POU6F2: variants seen among roughly 807,000 people sequenced by gnomAD.
POU6F2 encodes the protein POU class 6 homeobox 2.
Under a neutral mutation model 71.3 loss-of-function variants are expected in POU6F2, and 31 were observed. The ratio of observed to expected loss-of-function variants is 0.43; its 90% CI spans 0.33 to 0.59. POU6F2 has a LOEUF of 0.59. Ranked by LOEUF, POU6F2 falls within the 20% of genes least tolerant of loss-of-function variation. The pLI, the probability that POU6F2 is intolerant of heterozygous loss-of-function variation, is 0.04. For synonymous variants in POU6F2, 347 were observed against 355.7 expected, an observed-to-expected ratio of 0.98 and a Z score of 0.27; for missense variants, 783 against 856.8, an observed-to-expected ratio of 0.91 and a Z score of 1.07.
intron 4 of POU6F2, among the ~76,000 whole-genome samples, chr7:39,281,599 A>G (rs1784564001): frequency 6.6e-6 from 1 of 152,204 alleles, no homozygotes; most frequent in South Asian, 2.1e-4. Context: ...AATGTCTTCC[A>G]GATTCATCCA....
intron 3 of POU6F2, among the ~76,000 whole-genome samples, chr7:39,206,893 A>G (rs950785166): frequency 6.6e-6 from 1 of 152,242 alleles, no homozygotes; most frequent in Non-Finnish European, 1.5e-5. Context: ...ATGCTAGTGT[A>G]CATGTCCCCC....
At chr7:39,363,012 A>C (rs1432498847) in intron 5 of POU6F2, among the ~76,000 whole-genome samples, 1 of 152,198 alleles carries the variant, frequency 6.6e-6, no homozygotes, top group East Asian at 1.9e-4. Context: ...GGCCACTGTA[A>C]GAACTGTAGC....
intron 4 of POU6F2, among the ~76,000 whole-genome samples, chr7:39,213,959 G>A (rs1794192671): frequency 6.6e-6 from 1 of 152,070 alleles, no homozygotes; most frequent in Non-Finnish European, 1.5e-5. Context: ...ACCTTTCTTC[G>A]GGGAGTTTCT....
rs1470236577 is a variant in POU6F2 at position 39,092,841 on chromosome 7, A to C, written c.277+6810A>C. 2.6e-5 allele frequency among the ~76,000 whole-genome samples: 4 copies of C among 152,212 alleles called. No homozygotes were observed. The East Asian group carries it at 7.7e-4, about 29-fold the overall frequency. ...TAGTGTGAATGCAGAGGTCAGAAAG[A>C]ATAACATTAGATCTCTTGAGGCTAA... On this transcript the variant is annotated intron_variant, in intron 2 of 9. Coordinates refer to ENST00000518318, the MANE Select transcript of POU6F2 (RefSeq NM_001370959.1).
At chr7:39,320,089 C>T (rs1045514005) in intron 4 of POU6F2, among the ~76,000 whole-genome samples, 1 of 152,170 alleles carries the variant, frequency 6.6e-6, no homozygotes, top group Non-Finnish European at 1.5e-5. Flanking sequence ...CTTTAGCTCA[C>T]TCAGAATGAA....
At chr7:39,311,780 T>C (rs760800334) in intron 4 of POU6F2, among the ~76,000 whole-genome samples, 9 of 152,190 alleles carry the variant, frequency 5.9e-5, no homozygotes, top group Non-Finnish European at 1.0e-4. Context: ...GGACAAAGTA[T>C]GCAAAGGGCA....
At chr7:39,393,272 C>T (rs976133609) in intron 5 of POU6F2, among the ~76,000 whole-genome samples, 1 of 152,170 alleles carries the variant, frequency 6.6e-6, no homozygotes, top group African/African-American at 2.4e-5. Context: ...CACTTCTACA[C>T]AGTCGTATTT....
intron 2 of POU6F2, among the ~76,000 whole-genome samples, chr7:39,130,045 C>T (rs527876817): frequency 1.0e-3 from 131 of 126,012 alleles, no homozygotes; most frequent in Middle Eastern, 0.013. Context: ...CTAGCCTGGG[C>T]GACAGAGCGA....
At chr7:39,394,682 AT>A (rs1371024577) in intron 5 of POU6F2, among the ~76,000 whole-genome samples, 7 of 152,070 alleles carry the variant, frequency 4.6e-5, no homozygotes, top group Non-Finnish European at 1.0e-4. Context: ...TCTTTTTTCT[AT>A]TCCAACTGTG....
intron 2 of POU6F2, among the ~76,000 whole-genome samples, chr7:39,179,006 T>C (rs1211053639): frequency 6.6e-6 from 1 of 152,164 alleles, no homozygotes; most frequent in Non-Finnish European, 1.5e-5. Context: ...TAATCAGCTA[T>C]AGGTTCTGCT....
At chr7:39,052,985 T>G (rs1306994036) in intron 1 of POU6F2, among the ~76,000 whole-genome samples, 2 of 152,112 alleles carry the variant, frequency 1.3e-5, no homozygotes, top group African/African-American at 2.4e-5. Flanking sequence ...CAGCATCACT[T>G]GGGAACTTAC....
chr7:39,303,702 C>A (rs1418339406), intron 4 of POU6F2, among the ~76,000 whole-genome samples: 4 of 152,156 alleles, frequency 2.6e-5, no homozygotes, highest in African/African-American at 9.7e-5. Flanking sequence ...ATGATACACA[C>A]AGCACACCTA....
rs114624821 is a variant in POU6F2, at chr7:39,126,255, A to T, written c.277+40224A>T. Among the ~76,000 whole-genome samples, 454 of 152,308 alleles carry T rather than the reference A, an allele frequency of 3.0e-3. 1 individual carries two copies. Among genetic ancestry groups the T allele is most frequent in the African/African-American group, 0.01 (430 of 41,570 alleles). The stretch of plus-strand genomic sequence containing the variant: ...CATGCTTATAAATCATCTCATATCC[A>T]GGGGGATAGGGAAAGGAAAAGGAAA... On this transcript the variant is annotated intron_variant, in intron 2 of 9. Coordinates refer to ENST00000518318, the MANE Select transcript of POU6F2 (RefSeq NM_001370959.1).
intron 1 of POU6F2, among the ~76,000 whole-genome samples, chr7:39,033,018 T>C (rs933833550): frequency 4.6e-5 from 7 of 152,124 alleles, no homozygotes; most frequent in Non-Finnish European, 8.8e-5. Context: ...TGTCATCGAG[T>C]GTATGTGATA....
At chr7:39,151,931 T>C (rs1792768121) in intron 2 of POU6F2, among the ~76,000 whole-genome samples, 1 of 152,188 alleles carries the variant, frequency 6.6e-6, no homozygotes, top group Non-Finnish European at 1.5e-5. Context: ...TGTTTGTGCC[T>C]TGTGACTGGT....
At position 38,977,911 on chromosome 7, in the gene POU6F2, C is replaced by G. The variant is rs1788221715; in HGVS notation, c.-43C>G. 1.3e-5 allele frequency: 2 copies of G among 152,322 alleles called. No individual in the cohort carries two copies. Among genetic ancestry groups the G allele is most frequent in the African/African-American group, 4.8e-5 (2 of 41,436 alleles). 9.4% of individuals were successfully genotyped at this position (152,322 alleles called of 1,614,324 possible). A position where few individuals can be genotyped will look rare whatever the true frequency, so the allele number is the denominator to read the frequency against. On this transcript the variant is annotated 5_prime_UTR_variant, in exon 1 of 10. Coordinates refer to ENST00000518318, the MANE Select transcript of POU6F2 (RefSeq NM_001370959.1). ...GTGGAGCAGCTTGACTTTTTTTCCC[C>G]TTGCTTTTGGTGATGGTTGTGAGTG...
At position 39,107,140 on chromosome 7, in the gene POU6F2, G is replaced by A. The variant is rs118008130; in HGVS notation, c.277+21109G>A. ...GCTCACTGCAGCCTTGACCTTCTGG[G>A]CCCAAGTAATTCTCACACCTTAGCT... On this transcript the variant is annotated intron_variant, in intron 2 of 9. Transcript: ENST00000518318. Among the ~76,000 whole-genome samples the A allele has an allele frequency of 6.3e-3, 947 of 151,012 alleles. 4 individuals are homozygous for A. Among genetic ancestry groups the A allele is most frequent in the Non-Finnish European group, 9.4e-3 (640 of 67,878 alleles).
intron 2 of POU6F2, among the ~76,000 whole-genome samples, chr7:39,152,773 A>G (rs1792789056): frequency 6.6e-6 from 1 of 152,168 alleles, no homozygotes; most frequent in Non-Finnish European, 1.5e-5. Flanking sequence ...ACATTCTGGG[A>G]AAGTAAGGTT....
At position 39,279,044 on chromosome 7, in the gene POU6F2, C is replaced by T. The variant is rs1032058270; in HGVS notation, c.599-60598C>T. The stretch of plus-strand genomic sequence containing the variant: ...ATTGGAATTAGGACTGCCCAGTCTC[C>T]CAGGTGCACCATGGCCCCAGTCTCT... On this transcript the variant is annotated intron_variant, in intron 4 of 9. Coordinates refer to ENST00000518318, the MANE Select transcript of POU6F2 (RefSeq NM_001370959.1). Among the ~76,000 whole-genome samples, 12 of 152,258 alleles carry T rather than the reference C, an allele frequency of 7.9e-5. No individual in the cohort carries two copies. In the Middle Eastern group the frequency reaches 0.01, roughly 129 times the overall value.
Sources: gnomAD v4.1 joint callset for allele counts (sites outside exome capture counted in the v4.1 genomes callset) on GRCh38, gnomAD v4.1.1 for gene constraint, MANE v1.5 for transcripts, NCBI Gene and HGNC (gene_info 2026-07-23, HGNC 2026-07-21) for gene names.